The following SET variants were observed in gnomAD, a reference collection of about 807,000 sequenced individuals.
The protein encoded by SET is protein SET.
SET carries 4 observed loss-of-function variants against 39.0 expected under a neutral mutation model. That is an observed-to-expected ratio of 0.10 (90% CI 0.05 to 0.23). SET has a LOEUF of 0.23. SET is among the 10% of genes least tolerant of loss of function. The probability of loss-of-function intolerance (pLI) is 1.00; values close to 1 mark genes in which losing one functional copy is unlikely to be tolerated. For missense variants in SET, 137 were observed against 329.7 expected (o/e 0.42, Z 4.53); for synonymous variants, 114 against 115.9 (o/e 0.98, Z 0.11).
chr9:128,691,274 C>A, intron 2 of SET, 47 bp downstream of exon 2: 2 of 1,159,944 alleles, frequency 1.7e-6, no homozygotes, highest in Non-Finnish European at 2.6e-6. Context: ...TGAGATGTGT[C>A]TAATAGCCCG....
chr9:128,693,559 A>G (rs1223614556), intron 5 of SET, 79 bp from the exon 6 acceptor site: 8 of 1,421,508 alleles, frequency 5.6e-6, no homozygotes, highest in East Asian at 2.5e-5. Flanking sequence ...GCTTTTGGGG[A>G]AAATCTTATT....
At chr9:128,690,968 C>A (rs1861511035) in intron 1 of SET, 1 of 634,288 alleles carries the variant, frequency 1.6e-6, no homozygotes, top group East Asian at 2.8e-5. Flanking sequence ...CTGAGTAAAC[C>A]AGCAGACAGC....
At position 128,689,338 on chromosome 9, in the gene SET, C is replaced by G; in HGVS notation, c.-245C>G. On this transcript the variant is annotated 5_prime_UTR_variant, in exon 1 of 8. Transcript: ENST00000322030. ...CCGCCCGCCGCCGCCGCCTCCGCCT[C>G]CCCTCCGCGAACAGGAGCCCGGGCC... 3.8e-6 allele frequency: 4 copies of G among 1,048,648 alleles called. No homozygotes were observed. Among genetic ancestry groups the G allele is most frequent in the Non-Finnish European group, 4.6e-6 (4 of 869,520 alleles). 65.0% of individuals were successfully genotyped at this position (1,048,648 alleles called of 1,614,324 possible).
rs35778650 is a variant in SET, at chr9:128,694,734, CTTTTTTTT to C, written c.*87_*94del. ...CCAGTCCCTGGGAGCAAGTTGCAGT[CTTTTTTTT>C]TTTTTTTTTTTTTTTTCCCTCTTGT... On this transcript the variant is annotated 3_prime_UTR_variant, in exon 8 of 8. Coordinates refer to ENST00000322030, the MANE Select transcript of SET (RefSeq NM_003011.4). 1.2e-3 allele frequency: 379 copies of C among 303,880 alleles called. No individual in the cohort carries two copies. Among genetic ancestry groups the C allele is most frequent in the East Asian group, 6.1e-3 (113 of 18,664 alleles). 18.8% of individuals were successfully genotyped at this position (303,880 alleles called of 1,614,324 possible).
At chr9:128,688,185 T>C (rs888788769), upstream of SET, among the ~76,000 whole-genome samples, 7 of 152,060 alleles carry the variant, frequency 4.6e-5, no homozygotes, top group Admixed American at 6.6e-5. Context: ...CACTCCAGCC[T>C]GGGGGACAGA....
intron 2 of SET, 118 bp from the exon 3 acceptor site, chr9:128,691,733 ATGGTTAT>A (rs1861542274): frequency 1.1e-6 from 1 of 907,512 alleles, no homozygotes. Context: ...TTAGGTGATA[ATGGTTAT>A]TATAATTTGG....
At chr9:128,687,339 G>A (rs1002328041), upstream of SET, among the ~76,000 whole-genome samples, 1 of 152,118 alleles carries the variant, frequency 6.6e-6, no homozygotes, top group Non-Finnish European at 1.5e-5. Flanking sequence ...GAGCTCAGTG[G>A]CTCATGCCTG....
In SET at chr9:128,694,889, T is replaced by G. The variant is rs1861676429; in HGVS notation, c.*225T>G. On this transcript the variant is annotated 3_prime_UTR_variant, in exon 8 of 8. Transcript: ENST00000322030. ...GTCTCTACCCCTTTCTGTTCGAAGT[T>G]CATTTTTATCCCTTCCTGTCTGAAC... The G allele has an allele frequency of 1.2e-5, 5 of 410,796 alleles. No homozygotes were observed. Among genetic ancestry groups the G allele is most frequent in the Non-Finnish European group, 2.1e-5 (5 of 233,582 alleles). 25.4% of individuals were successfully genotyped at this position (410,796 alleles called of 1,614,324 possible). A position where few individuals can be genotyped will look rare whatever the true frequency, so the allele number is the denominator to read the frequency against.
In SET at chr9:128,695,702, TATTAATATCTCCATAGCTG is replaced by T. The variant is rs1275658199; in HGVS notation, c.*1039_*1057del. The stretch of plus-strand genomic sequence containing the variant: ...TTGAGTAATGGGATTTGAATCAATG[TATTAATATCTCCATAGCTG>T]GGAAACGTGGGTTCAATTTGCCATT... On this transcript the variant is annotated 3_prime_UTR_variant, in exon 8 of 8. Transcript: ENST00000322030. 1 of 226,332 alleles carries T rather than the reference TATTAATATCTCCATAGCTG, an allele frequency of 4.4e-6. No homozygotes were observed. Among genetic ancestry groups the T allele is most frequent in the Non-Finnish European group, 8.9e-6 (1 of 112,884 alleles). The allele number at this position is 226,332 out of a possible 1,614,324, so 14.0% of individuals were successfully genotyped here. A position where few individuals can be genotyped will look rare whatever the true frequency, so the allele number is the denominator to read the frequency against.
Position 128,691,975 on chromosome 9 carries a change from A to G in SET, c.249A>G (p.Val83=), listed in dbSNP as rs1806267586. The G allele has an allele frequency of 9.9e-6, 16 of 1,613,974 alleles. No homozygotes were observed. The highest frequency in any genetic ancestry group is 1.4e-5 in the Non-Finnish European group (16 of 1,179,920). ...TCGCCAAAATCCCAAATTTTTGGGT[A>G]ACAACATTTGTCAACCATCCACAAG... ...ELIAKIPNFW[V]TTFVNHPQVS... is the part of the protein sequence containing the mutation. The change falls in exon 3 of 8, where the codon GTA becomes GTG. Residue 83 remains valine, a synonymous_variant. Coordinates refer to ENST00000322030, the MANE Select transcript of SET (RefSeq NM_003011.4).
At chr9:128,686,311 C>T (rs1861284111), upstream of SET, among the ~76,000 whole-genome samples, 7 of 151,834 alleles carry the variant, frequency 4.6e-5, no homozygotes, top group Admixed American at 4.6e-4. Flanking sequence ...AAAAGAGGGG[C>T]AGGGAGGTGG....
upstream of SET, among the ~76,000 whole-genome samples, chr9:128,685,922 G>C (rs1251092794): frequency 1.3e-5 from 2 of 152,180 alleles, no homozygotes; most frequent in Non-Finnish European, 2.9e-5. Flanking sequence ...AGCTACTTGG[G>C]GGGCTAAGGC....
Position 128,695,887 on chromosome 9 carries a change from C to A in SET, c.*1223C>A, listed in dbSNP as rs1268372881. 8.8e-6 allele frequency: 2 copies of A among 227,724 alleles called. No homozygotes were observed. Among genetic ancestry groups the A allele is most frequent in the Non-Finnish European group, 1.8e-5 (2 of 114,160 alleles). The allele number at this position is 227,724 out of a possible 1,614,324, so 14.1% of individuals were successfully genotyped here. The stretch of plus-strand genomic sequence containing the variant: ...GGATATAAATTAATTGTGCCTGCCA[C>A]CACCATCCAACAGACCTGGTGCTCT... On this transcript the variant is annotated 3_prime_UTR_variant, in exon 8 of 8. Coordinates refer to ENST00000322030, the MANE Select transcript of SET (RefSeq NM_003011.4).
chr9:128,694,878 C>G lies in SET; in HGVS notation c.*214C>G, dbSNP rs1051343142. The stretch of plus-strand genomic sequence containing the variant: ...ATGGGAAAAGAGTCTCTACCCCTTT[C>G]TGTTCGAAGTTCATTTTTATCCCTT... On this transcript the variant is annotated 3_prime_UTR_variant, in exon 8 of 8. Coordinates refer to ENST00000322030, the MANE Select transcript of SET (RefSeq NM_003011.4). The G allele has an allele frequency of 4.7e-6, 2 of 423,678 alleles. No homozygotes were observed. Among genetic ancestry groups the G allele is most frequent in the African/African-American group, 2.1e-5 (1 of 48,290 alleles). The allele number at this position is 423,678 out of a possible 1,614,324, so 26.2% of individuals were successfully genotyped here.
rs35778650 is a variant in SET, at chr9:128,694,734, CTTTTTTTTT to C, written c.*86_*94del. 74 of 304,040 alleles carry C rather than the reference CTTTTTTTTT, an allele frequency of 2.4e-4. No homozygotes were observed. The highest frequency in any genetic ancestry group is 9.1e-4 in the East Asian group (17 of 18,676). The allele number at this position is 304,040 out of a possible 1,614,324, so 18.8% of individuals were successfully genotyped here. A position where few individuals can be genotyped will look rare whatever the true frequency, so the allele number is the denominator to read the frequency against. On this transcript the variant is annotated 3_prime_UTR_variant, in exon 8 of 8. Transcript: ENST00000322030. The stretch of plus-strand genomic sequence containing the variant: ...CCAGTCCCTGGGAGCAAGTTGCAGT[CTTTTTTTTT>C]TTTTTTTTTTTTTTTCCCTCTTGTG...
At chr9:128,688,465 A>G (rs1417553227), upstream of SET, among the ~76,000 whole-genome samples, 1 of 152,162 alleles carries the variant, frequency 6.6e-6, no homozygotes, top group African/African-American at 2.4e-5. Flanking sequence ...TAACCGTGCC[A>G]TGCGCTGCTG....
chr9:128,694,040 G>C lies in SET; in HGVS notation c.808G>C (p.Glu270Gln), dbSNP rs1386431573. Reference protein sequence around the residue: ...DEDDDEGEEGEEDEGEDD With the variant: ...DEDDDEGEEGQEDEGEDD ...AGATGATGATGAAGGGGAGGAAGGA[G>C]AGGTAAAAGAAAATTTGGCTAAACC... Residue 270 changes from glutamate to glutamine, a missense_variant and splice_region_variant, in exon 7 of 8, where the codon GAG becomes CAG. Glu to Gln is a conservative substitution (Grantham distance 29). Coordinates refer to ENST00000322030, the MANE Select transcript of SET (RefSeq NM_003011.4). 4 of 1,514,170 alleles carry C rather than the reference G, an allele frequency of 2.6e-6. No individual in the cohort carries two copies. Among genetic ancestry groups the C allele is most frequent in the Non-Finnish European group, 3.6e-6 (4 of 1,123,530 alleles). 93.8% of individuals were successfully genotyped at this position (1,514,170 alleles called of 1,614,324 possible).
intron 1 of SET, chr9:128,684,100 C>T (rs1861206151): frequency 9.4e-6 from 9 of 954,004 alleles, no homozygotes; most frequent in Non-Finnish European, 1.3e-5. Context: ...TGAGATGTGA[C>T]CCCTAAGCAC....
chr9:128,693,366 T>C (rs1861614159), intron 5 of SET, among the ~76,000 whole-genome samples: 1 of 152,178 alleles, frequency 6.6e-6, no homozygotes, highest in Non-Finnish European at 1.5e-5. Context: ...TTTACATCCG[T>C]ATTTAGGTAG....
Sources: allele counts gnomAD v4.1 joint callset (sites outside exome capture counted in the v4.1 genomes callset), GRCh38; gene constraint gnomAD v4.1.1; transcripts MANE v1.5; gene names NCBI Gene and HGNC (gene_info 2026-07-23, HGNC 2026-07-21).